Variants in GAS2 observed in about 807,000 individuals in gnomAD.
GAS2 encodes growth arrest-specific protein 2.
Under a neutral mutation model 37.5 loss-of-function variants are expected in GAS2, and 20 were observed. The ratio of observed to expected loss-of-function variants is 0.53; its 90% confidence interval spans 0.37 to 0.77. The LOEUF is 0.77. Among genes scored for constraint, GAS2 ranks in the 30% least tolerant of loss-of-function variants. The probability of loss-of-function intolerance (pLI) is 0.00; values close to 1 mark genes in which losing one functional copy is unlikely to be tolerated. For missense variants in GAS2, 336 were observed against 373.4 expected (o/e 0.90, Z 0.82); for synonymous variants, 144 against 132.2 (o/e 1.09, Z -0.61).
At chr11:22,811,620 GA>G (rs113746300) in intron 7 of GAS2, among the ~76,000 whole-genome samples, 177 bp from the exon 8 acceptor site, 33,071 of 151,596 alleles carry the variant, frequency 0.22, 4,593 homozygotes, top group African/African-American at 0.4. Flanking sequence ...CACTTCCACA[GA>G]AAAAAAACAG....
intron 7 of GAS2, among the ~76,000 whole-genome samples, chr11:22,776,884 T>A (rs1461338207): frequency 3.3e-5 from 5 of 152,298 alleles, no homozygotes; most frequent in Admixed American, 6.5e-5. Context: ...CTGAAGTGTG[T>A]GGACAGTGTT....
chr11:22,809,786 G>A (rs1028858837), intron 7 of GAS2, among the ~76,000 whole-genome samples: 4 of 151,428 alleles, frequency 2.6e-5, no homozygotes, highest in Admixed American at 6.6e-5. Flanking sequence ...GAGCCACCAC[G>A]CCCGACCATA....
intron 3 of GAS2, among the ~76,000 whole-genome samples, chr11:22,705,915 G>A (rs970056099): frequency 6.6e-6 from 1 of 152,178 alleles, no homozygotes; most frequent in African/African-American, 2.4e-5. Flanking sequence ...AGCAGAATGG[G>A]AATAAGCAAG....
intron 3 of GAS2, among the ~76,000 whole-genome samples, chr11:22,697,025 A>G (rs1295575533): frequency 1.3e-5 from 2 of 151,734 alleles, no homozygotes; most frequent in Admixed American, 6.6e-5. Flanking sequence ...GCCCATGCCT[A>G]TGTCCTGAAT....
At chr11:22,725,406 G>A (rs1169351118) in intron 3 of GAS2, among the ~76,000 whole-genome samples, 3 of 152,014 alleles carry the variant, frequency 2.0e-5, no homozygotes, top group African/African-American at 7.2e-5. Context: ...TGGTTTAAAA[G>A]AAAATAGTCT....
At chr11:22,721,949 A>G (rs764867934) in intron 3 of GAS2, among the ~76,000 whole-genome samples, 3 of 151,986 alleles carry the variant, frequency 2.0e-5, no homozygotes, top group Non-Finnish European at 4.4e-5. Context: ...TTACTAATAC[A>G]CTTTAATTAA....
chr11:22,756,162 A>G lies in GAS2; in HGVS notation c.723+209A>G, dbSNP rs946711875. Among the ~76,000 whole-genome samples the G allele has an allele frequency of 4.7e-4, 71 of 152,238 alleles. 1 individual carries two copies. Among genetic ancestry groups the G allele is most frequent in the Non-Finnish European group, 4.3e-4 (29 of 67,986 alleles). On this transcript the variant is annotated intron_variant, in intron 7 of 7. Transcript: ENST00000454584. Reference sequence around the variant, plus strand: ...TCTTTGTACATATACCAAAACGCATATACACCAAAGACACCATGGAGATCA... The same window carrying G: ...TCTTTGTACATATACCAAAACGCATGTACACCAAAGACACCATGGAGATCA...
In GAS2 at chr11:22,692,164, G is replaced by A. The variant is rs137889625; in HGVS notation, c.267+6375G>A. 8.4e-3 allele frequency among the ~76,000 whole-genome samples: 1,284 copies of A among 152,212 alleles called. 15 individuals carry two copies. The highest frequency in any genetic ancestry group is 0.03 in the African/African-American group (1,226 of 41,538). The stretch of plus-strand genomic sequence containing the variant: ...ATGGGCTACATTTGCAGATGGGGGT[G>A]GGGGAGCGGAAAGCAGCAATGTGAA... On this transcript the variant is annotated intron_variant, in intron 3 of 7. Transcript: ENST00000454584.
intron 3 of GAS2, among the ~76,000 whole-genome samples, chr11:22,714,919 C>T (rs7112169): frequency 0.011 from 1,614 of 152,160 alleles, 23 homozygotes; most frequent in African/African-American, 0.037. Flanking sequence ...TCTGAAAGAA[C>T]ACAAATAGAC....
At chr11:22,773,099 G>C (rs1473111364) in intron 7 of GAS2, among the ~76,000 whole-genome samples, 1 of 152,044 alleles carries the variant, frequency 6.6e-6, no homozygotes, top group Non-Finnish European at 1.5e-5. Context: ...GAAACACCTG[G>C]AGACCAGCAG....
chr11:22,750,745 C>T (rs1377068074), intron 6 of GAS2, among the ~76,000 whole-genome samples: 1 of 151,746 alleles, frequency 6.6e-6, no homozygotes, highest in Non-Finnish European at 1.5e-5. Context: ...TTTTATTAGA[C>T]TTACTTTAGG....
chr11:22,643,099 A>C (rs1848649087), intron 1 of GAS2, among the ~76,000 whole-genome samples: 1 of 152,044 alleles, frequency 6.6e-6, no homozygotes, highest in Non-Finnish European at 1.5e-5. Flanking sequence ...AGTTCAAATA[A>C]ATGAATAATG....
chr11:22,775,648 A>G (rs909687136), intron 7 of GAS2, among the ~76,000 whole-genome samples: 1 of 152,080 alleles, frequency 6.6e-6, no homozygotes, highest in Non-Finnish European at 1.5e-5. Context: ...TACCACTGTA[A>G]TGAGTTTTTG....
At chr11:22,681,193 G>C (rs941696485) in intron 2 of GAS2, among the ~76,000 whole-genome samples, 1 of 152,118 alleles carries the variant, frequency 6.6e-6, no homozygotes, top group Non-Finnish European at 1.5e-5. Context: ...AACACTTATA[G>C]GCTGATATGT....
chr11:22,650,081 T>C (rs965085011), intron 1 of GAS2, among the ~76,000 whole-genome samples: 13 of 152,116 alleles, frequency 8.5e-5, no homozygotes, highest in Non-Finnish European at 1.6e-4. Flanking sequence ...CTCTACACAC[T>C]GCTTTGAATG....
At chr11:22,692,009 A>G (rs777065950) in intron 3 of GAS2, among the ~76,000 whole-genome samples, 60 of 152,032 alleles carry the variant, frequency 3.9e-4, no homozygotes, top group Non-Finnish European at 1.2e-4. Context: ...ACTATCTTCC[A>G]GAGATATGCC....
intron 7 of GAS2, among the ~76,000 whole-genome samples, 173 bp from the exon 8 acceptor site, chr11:22,811,625 A>G (rs1281070089): frequency 6.6e-6 from 1 of 152,198 alleles, no homozygotes; most frequent in Non-Finnish European, 1.5e-5. Flanking sequence ...CCACAGAAAA[A>G]AAACAGGACT....
intron 7 of GAS2, among the ~76,000 whole-genome samples, chr11:22,791,801 G>A (rs533675902): frequency 2.6e-4 from 40 of 152,268 alleles, no homozygotes; most frequent in African/African-American, 9.6e-4. Flanking sequence ...CCAAAGTGTT[G>A]GCAACTTAGG....
chr11:22,634,874 T>C (rs1858800777), intron 1 of GAS2, among the ~76,000 whole-genome samples: 1 of 152,204 alleles, frequency 6.6e-6, no homozygotes, highest in Non-Finnish European at 1.5e-5. Flanking sequence ...TATTCTCAAA[T>C]GCCAGCTGTA....
Sources: gnomAD v4.1 joint callset for allele counts (sites outside exome capture counted in the v4.1 genomes callset) on GRCh38, gnomAD v4.1.1 for gene constraint, MANE v1.5 for transcripts, NCBI Gene and HGNC (gene_info 2026-07-23, HGNC 2026-07-21) for gene names.